ZNF839: variants seen among roughly 807,000 people sequenced by gnomAD.
ZNF839 encodes renal carcinoma antigen NY-REN-50.
ZNF839 carries 38 observed loss-of-function variants against 56.4 expected under a neutral mutation model. That is an observed-to-expected ratio of 0.67 (90% CI 0.52 to 0.88). The LOEUF is 0.88. Among genes scored for constraint, ZNF839 ranks in the 40% least tolerant of loss-of-function variants. The probability of loss-of-function intolerance (pLI) is 0.00; values close to 1 mark genes in which losing one functional copy is unlikely to be tolerated. For synonymous variants in ZNF839, 486 were observed against 493.5 expected (o/e 0.98, Z 0.20); for missense variants, 1,091 against 1,177.6 (o/e 0.93, Z 1.08).
At chr14:102,319,546 C>G, upstream of ZNF839, 1 of 462,370 alleles carries the variant, frequency 2.2e-6, no homozygotes, top group Non-Finnish European at 3.4e-6. This position sits in a 1 kb window ranked among gnomAD's most constrained non-coding sequence, Gnocchi z 4.5. Flanking sequence ...CCGTGACAGG[C>G]AATAAGGAAA....
chr14:102,341,684 G>A lies in ZNF839; in HGVS notation c.2289G>A (p.Gly763=). ...GGGAESLPPG[G]PGHAEAGHLG... ...GAGCAGAGTCCCTGCCGCCTGGGGG[G>A]CCTGGACATGCAGAGGCAGGACACC... Residue 763 remains glycine (G), a synonymous_variant, in exon 8 of 8, where the codon GGG becomes GGA. Transcript: ENST00000442396. 2 of 1,613,974 alleles carry A rather than the reference G, an allele frequency of 1.2e-6. No homozygotes were observed. Among genetic ancestry groups the A allele is most frequent in the South Asian group, 1.1e-5 (1 of 91,086 alleles).
intron 1 of ZNF839, among the ~76,000 whole-genome samples, chr14:102,325,589 G>T (rs1037973919): frequency 2.0e-5 from 3 of 151,884 alleles, no homozygotes; most frequent in Non-Finnish European, 4.4e-5. Context: ...CCTCCTCCCG[G>T]GTTCAAGCGA....
intron 3 of ZNF839, among the ~76,000 whole-genome samples, chr14:102,333,543 G>A (rs893474553): frequency 3.9e-5 from 6 of 152,056 alleles, no homozygotes; most frequent in African/African-American, 9.7e-5. Context: ...GATTACAGGC[G>A]TGAGCCACTG....
rs537450080 is a variant in ZNF839, at chr14:102,342,264, G to A, written c.*85G>A. On this transcript the variant is annotated 3_prime_UTR_variant, in exon 8 of 8. Coordinates refer to ENST00000442396, the MANE Select transcript of ZNF839 (RefSeq NM_018335.6). ...TGAAGTGGAGTCAGATCCTAGATTC[G>A]TCTGATTTTATCCAGAGAAGGTCTA... 2.3e-5 allele frequency: 34 copies of A among 1,498,344 alleles called. No homozygotes were observed. The Admixed American group carries it at 3.3e-4, about 15-fold the overall frequency. 92.8% of individuals were successfully genotyped at this position (1,498,344 alleles called of 1,614,324 possible).
chr14:102,326,132 G>T lies in ZNF839; in HGVS notation c.436G>T (p.Ala146Ser). The change falls in exon 2 of 8, where the codon GCC becomes TCC. Residue 146 changes from alanine (A) to serine (S), a missense_variant. This residue lies in a region of ZNF839 where 614 missense variants were observed against 629.2 expected (regional missense o/e 0.98). Coordinates refer to ENST00000442396, the MANE Select transcript of ZNF839 (RefSeq NM_018335.6). The surrounding 1 kb of genome is among the most constrained non-coding windows in gnomAD (Gnocchi z 4.3). ...GNSCLVGLHI[A>S]SPQLLRVQPL... The stretch of plus-strand genomic sequence containing the variant: ...TTCCTGCCTGGTGGGGCTCCATATC[G>T]CCAGCCCTCAGCTGCTCAGGGTACA... 1.9e-6 allele frequency: 3 copies of T among 1,613,828 alleles called. No homozygotes were observed. Among genetic ancestry groups the T allele is most frequent in the Non-Finnish European group, 2.5e-6 (3 of 1,179,836 alleles).
intron 1 of ZNF839, among the ~76,000 whole-genome samples, chr14:102,324,142 C>T (rs1482821170): frequency 2.0e-5 from 3 of 152,096 alleles, no homozygotes; most frequent in Admixed American, 6.6e-5. Context: ...AACATTGTTC[C>T]TTATGGCTTT....
rs141423591 is a variant in ZNF839 at position 102,339,543 on chromosome 14, G to A, written c.1927+320G>A. 4.6e-3 allele frequency among the ~76,000 whole-genome samples: 694 copies of A among 152,210 alleles called. 8 individuals are homozygous for A. The highest frequency in any genetic ancestry group is 0.016 in the African/African-American group (657 of 41,532). On this transcript the variant is annotated intron_variant, in intron 7 of 7. Transcript: ENST00000442396. ...GCGGATCACCTGACGTCGGGAATTC[G>A]AGACCAGCCTGGCCAACATGGCAAA...
chr14:102,327,902 G>A (rs542887412), intron 2 of ZNF839, among the ~76,000 whole-genome samples: 7 of 127,212 alleles, frequency 5.5e-5, no homozygotes, highest in Non-Finnish European at 9.1e-5. Context: ...CATTACAGAG[G>A]GTGTTGAGAA....
At position 102,326,853 on chromosome 14, in the gene ZNF839, G is replaced by C; in HGVS notation, c.1157G>C (p.Cys386Ser). The change falls in exon 2 of 8, where the codon TGC (cysteine) becomes TCC (serine). Residue 386 changes from cysteine to serine, a missense_variant. Cys to Ser is a moderately radical substitution (Grantham distance 112). Transcript: ENST00000442396. The surrounding 1 kb of genome is among the most constrained non-coding windows in gnomAD (Gnocchi z 4.3). ...CCATGTGAGGGAGGGGCCCGCTCCT[G>C]CTTGGTGACAGAGTCAGCACGCGGT... ...ADPCEGGARSCLVTESARGGL... is the reference protein window; with the variant it reads ...ADPCEGGARSSLVTESARGGL... 1 of 1,607,658 alleles carries C rather than the reference G, an allele frequency of 6.2e-7. No homozygotes were observed. Among genetic ancestry groups the C allele is most frequent in the South Asian group, 1.1e-5 (1 of 90,382 alleles).
intron 7 of ZNF839, among the ~76,000 whole-genome samples, chr14:102,339,594 A>G (rs1013847519): frequency 1.3e-5 from 2 of 152,138 alleles, no homozygotes; most frequent in African/African-American, 4.8e-5. Flanking sequence ...AAAATACAAA[A>G]AAAACTAGCT....
intron 1 of ZNF839, among the ~76,000 whole-genome samples, chr14:102,323,878 C>T (rs779962850): frequency 1.3e-5 from 2 of 152,048 alleles, no homozygotes; most frequent in African/African-American, 2.4e-5. Flanking sequence ...AAAATGAACC[C>T]GTGACACCTA....
intron 7 of ZNF839, among the ~76,000 whole-genome samples, chr14:102,339,590 CA>C (rs894154881): frequency 6.6e-6 from 1 of 151,864 alleles, no homozygotes; most frequent in Non-Finnish European, 1.5e-5. Context: ...ACTAAAAATA[CA>C]AAAAAAACTA....
At position 102,319,853 on chromosome 14, in the gene ZNF839, G is replaced by A. The variant is rs1327950376; in HGVS notation, c.88G>A (p.Val30Ile). The A allele has an allele frequency of 7.9e-7, 1 of 1,266,096 alleles. No individual in the cohort carries two copies. The highest frequency in any genetic ancestry group is 9.9e-7 in the Non-Finnish European group (1 of 1,007,124). 78.4% of individuals were successfully genotyped at this position (1,266,096 alleles called of 1,614,324 possible). A position where few individuals can be genotyped will look rare whatever the true frequency, so the allele number is the denominator to read the frequency against. ...GPAPPGQSGSVARVAPLGPEQ... is the reference protein window; with the variant it reads ...GPAPPGQSGSIARVAPLGPEQ... ...GGCTCCTCCGGGCCAGAGCGGCAGC[G>A]TCGCACGTGTGGCCCCGCTGGGCCC... is the stretch of plus-strand genomic sequence containing the variant. The change falls in exon 1 of 8, where the codon GTC becomes ATC. Residue 30 changes from valine to isoleucine, a missense_variant. Val to Ile is a conservative substitution (Grantham distance 29). Around this residue, in one of 3 missense-constraint regions of ZNF839, gnomAD observed 614 missense variants for 629.2 expected, o/e 0.98. Coordinates refer to ENST00000442396, the MANE Select transcript of ZNF839 (RefSeq NM_018335.6). The surrounding 1 kb of genome is among the most constrained non-coding windows in gnomAD (Gnocchi z 4.5).
chr14:102,329,494 C>T (rs755330348), intron 2 of ZNF839, among the ~76,000 whole-genome samples: 21 of 151,924 alleles, frequency 1.4e-4, no homozygotes, highest in Non-Finnish European at 2.1e-4. Context: ...AAGCAATTCT[C>T]CTGCCTCAGC....
upstream of ZNF839, chr14:102,319,228 C>T (rs1035956003): frequency 6.6e-6 from 1 of 152,242 alleles, no homozygotes; most frequent in African/African-American, 2.4e-5. This position sits in a 1 kb window ranked among gnomAD's most constrained non-coding sequence, Gnocchi z 4.5. Flanking sequence ...TATATCATCT[C>T]TCCCTTCAAG....
chr14:102,331,909 A>G lies in ZNF839; in HGVS notation c.1416+63A>G, dbSNP rs747001405. The G allele has an allele frequency of 7.3e-5, 101 of 1,374,494 alleles. 1 individual carries two copies. Among genetic ancestry groups the G allele is most frequent in the Non-Finnish European group, 9.4e-5 (96 of 1,017,532 alleles). The allele number at this position is 1,374,494 out of a possible 1,614,324, so 85.1% of individuals were successfully genotyped here. A position where few individuals can be genotyped will look rare whatever the true frequency, so the allele number is the denominator to read the frequency against. ...CTTTAGCATGGATGTGGCAATCACTATCAGTTTCTGAATCACCTAAGCAGT... is the reference window on the plus strand; with the variant it reads ...CTTTAGCATGGATGTGGCAATCACTGTCAGTTTCTGAATCACCTAAGCAGT... On this transcript the variant is annotated intron_variant, in intron 3 of 7. Transcript: ENST00000442396.
chr14:102,340,806 T>G (rs1237332247), intron 7 of ZNF839, among the ~76,000 whole-genome samples: 1 of 152,052 alleles, frequency 6.6e-6, no homozygotes, highest in Non-Finnish European at 1.5e-5. Context: ...GTGTGGTGGC[T>G]CATGCCTGTA....
At chr14:102,340,760 A>T (rs1219723593) in intron 7 of ZNF839, among the ~76,000 whole-genome samples, 1 of 152,140 alleles carries the variant, frequency 6.6e-6, no homozygotes, top group Non-Finnish European at 1.5e-5. Context: ...ATCACCAATC[A>T]TTCATTCAGT....
intron 5 of ZNF839, 28 bp from the exon 6 acceptor site, chr14:102,338,787 GT>G (rs751650857): frequency 1.9e-6 from 3 of 1,613,538 alleles, no homozygotes; most frequent in Admixed American, 1.7e-5. Flanking sequence ...TTTGGGTGAA[GT>G]TTATTCTCTT....
Sources: allele counts gnomAD v4.1 joint callset (sites outside exome capture counted in the v4.1 genomes callset), GRCh38; gene constraint gnomAD v4.1.1; regional missense constraint gnomAD v4.1.1; non-coding constraint Gnocchi (gnomAD v3.1); transcripts MANE v1.5; gene names NCBI Gene and HGNC (gene_info 2026-07-23, HGNC 2026-07-21).